The following NDEL1 variants were observed in gnomAD, a reference collection of about 807,000 sequenced individuals.
NDEL1 encodes the protein nuclear distribution protein nudE-like 1.
Under a neutral mutation model 45.7 loss-of-function variants are expected in NDEL1, and 9 were observed. The ratio of observed to expected loss-of-function variants is 0.20; its 90% CI spans 0.12 to 0.34. NDEL1 has a LOEUF of 0.34. NDEL1 is among the 10% of genes least tolerant of loss of function. The pLI, the probability that NDEL1 is intolerant of heterozygous loss-of-function variation, is 1.00. For synonymous variants in NDEL1, 133 were observed against 158.6 expected (o/e 0.84, Z 1.21); for missense variants, 306 against 406.2 (o/e 0.75, Z 2.12).
chr17:8,423,939 A>C (rs995423070), intron 1 of NDEL1, among the ~76,000 whole-genome samples: 1 of 152,252 alleles, frequency 6.6e-6, no homozygotes, highest in Non-Finnish European at 1.5e-5. Flanking sequence ...GGCTTAGGAA[A>C]TAGTTTACAT....
At chr17:8,439,595 G>A (rs1012594145) in intron 1 of NDEL1, among the ~76,000 whole-genome samples, 5 of 152,046 alleles carry the variant, frequency 3.3e-5, no homozygotes. Flanking sequence ...GCTCATAAAG[G>A]CTATTCCAAA....
intron 7 of NDEL1, among the ~76,000 whole-genome samples, chr17:8,455,775 A>G (rs1910801537): frequency 6.6e-6 from 1 of 151,776 alleles, no homozygotes; most frequent in Admixed American, 6.6e-5. Flanking sequence ...TAACCTCATC[A>G]AGAGTATTAC....
chr17:8,441,690 A>G (rs1357450295), intron 1 of NDEL1, among the ~76,000 whole-genome samples: 1 of 151,772 alleles, frequency 6.6e-6, no homozygotes, highest in African/African-American at 2.4e-5. Flanking sequence ...CTTGTGCTCT[A>G]TGCTATCTGT....
chr17:8,444,491 AAC>A, intron 2 of NDEL1, 134 bp downstream of exon 2: 1 of 627,400 alleles, frequency 1.6e-6, no homozygotes, highest in Non-Finnish European at 2.8e-6. Flanking sequence ...AGATTCTACA[AAC>A]AGTCACCACA....
chr17:8,425,187 A>G (rs1274749303), intron 1 of NDEL1, among the ~76,000 whole-genome samples: 2 of 152,266 alleles, frequency 1.3e-5, no homozygotes, highest in East Asian at 1.9e-4. Flanking sequence ...AAGGCAGGAT[A>G]TGATTCACAT....
intron 1 of NDEL1, among the ~76,000 whole-genome samples, chr17:8,418,553 C>T (rs1908607148): frequency 6.6e-6 from 1 of 152,172 alleles, no homozygotes. Flanking sequence ...GTCCATTGCT[C>T]ATTTTTCTAC....
chr17:8,466,858 T>A, intron 8 of NDEL1, 72 bp from the exon 9 acceptor site: 1 of 1,399,552 alleles, frequency 7.1e-7, no homozygotes, highest in Non-Finnish European at 1.0e-6. Context: ...AATTTCCTAT[T>A]GTGTGTGAGT....
At chr17:8,445,485 C>G (rs533048748) in intron 2 of NDEL1, among the ~76,000 whole-genome samples, 318 of 23,264 alleles carry the variant, frequency 0.014, no homozygotes, top group Middle Eastern at 0.056. Flanking sequence ...CGTAGCCTTA[C>G]TTTTCATAAA....
At chr17:8,415,152 C>T (rs1228501765) in intron 1 of NDEL1, among the ~76,000 whole-genome samples, 1 of 143,846 alleles carries the variant, frequency 7.0e-6, no homozygotes, top group Non-Finnish European at 1.5e-5. Flanking sequence ...TTCTGTCTCT[C>T]TGTCTCCCTC....
At chr17:8,435,765 C>A (rs780864310), upstream of NDEL1, 11 of 355,042 alleles carry the variant, frequency 3.1e-5, no homozygotes, top group Non-Finnish European at 5.0e-5. Context: ...GCGCGCCGGG[C>A]TCTGGCCCGC....
upstream of NDEL1, among the ~76,000 whole-genome samples, chr17:8,432,759 A>AT (rs1173347181): frequency 1.3e-5 from 2 of 151,990 alleles, no homozygotes; most frequent in African/African-American, 2.4e-5. Flanking sequence ...ATGTCTACTG[A>AT]TTTTCCACTG....
At chr17:8,446,144 T>C (rs1340446414) in intron 3 of NDEL1, 1 of 224,898 alleles carries the variant, frequency 4.4e-6, no homozygotes, top group Non-Finnish European at 8.5e-6. Context: ...GCTGCCTGAT[T>C]ATTTGTTTTG....
At position 8,445,737 on chromosome 17, in the gene NDEL1, T is replaced by C. The variant is rs556111751; in HGVS notation, c.113T>C (p.Val38Ala). ...QSFQEARDEL[V>A]EFQEGSRELE... ...TTCCAGGAAGCTCGGGATGAGCTAGTTGAATTCCAGGAAGGAAGCAGAGAA... is the reference window on the plus strand; with the variant it reads ...TTCCAGGAAGCTCGGGATGAGCTAGCTGAATTCCAGGAAGGAAGCAGAGAA... Residue 38 changes from valine to alanine, a missense_variant, in exon 3 of 9, where the codon GTT (valine) becomes GCT (alanine). By Grantham distance (64) the Val-to-Ala change is moderately conservative (BLOSUM62 0). Around this residue, in one of 3 missense-constraint regions of NDEL1, gnomAD observed 112 missense variants for 148.3 expected, o/e 0.76. Coordinates refer to ENST00000334527, the MANE Select transcript of NDEL1 (RefSeq NM_030808.5). 3.6e-5 allele frequency: 57 copies of C among 1,596,336 alleles called. 1 individual carries two copies. The South Asian group carries it at 5.9e-4, about 17-fold the overall frequency.
At chr17:8,431,603 G>A (rs1039336998), upstream of NDEL1, among the ~76,000 whole-genome samples, 3 of 152,188 alleles carry the variant, frequency 2.0e-5, no homozygotes, top group Non-Finnish European at 4.4e-5. Context: ...ATTCGAACAG[G>A]GTGGGTTTGA....
chr17:8,415,690 T>G (rs1264069342), intron 1 of NDEL1, among the ~76,000 whole-genome samples: 1 of 152,134 alleles, frequency 6.6e-6, no homozygotes, highest in African/African-American at 2.4e-5. Flanking sequence ...CTCCCAGCGC[T>G]GGGATTACAG....
At chr17:8,417,131 T>C (rs116352046) in intron 1 of NDEL1, among the ~76,000 whole-genome samples, 2,647 of 152,310 alleles carry the variant, frequency 0.017, 83 homozygotes, top group African/African-American at 0.059. Context: ...TCTTTCTTTT[T>C]TTCGAGACAG....
chr17:8,435,361 G>C (rs1405406316), upstream of NDEL1, among the ~76,000 whole-genome samples: 1 of 152,156 alleles, frequency 6.6e-6, no homozygotes. Flanking sequence ...AGGCATAAGA[G>C]GTTCTAGCTC....
At position 8,454,851 on chromosome 17, in the gene NDEL1, A is replaced by G. The variant is rs1238901797; in HGVS notation, c.756A>G (p.Ala252=). The change falls in exon 7 of 9, where the codon GCA becomes GCG. Residue 252 remains alanine (A), a synonymous_variant. Transcript: ENST00000334527. ...SPLTPSARIS[A]LNIVGDLLRK... ...TAACTCCCTCTGCTAGGATATCAGC[A>G]CTAAACATCGTGGGGGATCTCTTAC... 1.2e-6 allele frequency: 2 copies of G among 1,613,934 alleles called. No individual in the cohort carries two copies. Among genetic ancestry groups the G allele is most frequent in the Non-Finnish European group, 8.5e-7 (1 of 1,179,964 alleles).
Position 8,450,936 on chromosome 17 carries a change from C to G in NDEL1, c.683C>G (p.Thr228Ser), listed in dbSNP as rs1910460651. ...ATPVGKGTENTFPSPKAIPNG... is the reference protein window; with the variant it reads ...ATPVGKGTENSFPSPKAIPNG... The stretch of plus-strand genomic sequence containing the variant: ...CCTGTTGGCAAAGGAACGGAGAACA[C>G]TTTTCCTTCACCGAAAGGTTTGTAA... Residue 228 changes from threonine (T) to serine (S), a missense_variant, in exon 6 of 9, where the codon ACT becomes AGT. Thr to Ser is a moderately conservative substitution (Grantham distance 58, BLOSUM62 1). Coordinates refer to ENST00000334527, the MANE Select transcript of NDEL1 (RefSeq NM_030808.5). The G allele has an allele frequency of 6.2e-7, 1 of 1,610,092 alleles. No individual in the cohort carries two copies. Among genetic ancestry groups the G allele is most frequent in the Non-Finnish European group, 8.5e-7 (1 of 1,178,826 alleles).
Sources: gnomAD v4.1 joint callset for allele counts (sites outside exome capture counted in the v4.1 genomes callset) on GRCh38, gnomAD v4.1.1 for gene constraint, gnomAD v4.1.1 regional missense constraint, MANE v1.5 for transcripts, NCBI Gene and HGNC (gene_info 2026-07-23, HGNC 2026-07-21) for gene names.